The following DLG1 variants were observed in gnomAD, a reference collection of about 807,000 sequenced individuals.
DLG1 encodes discs large MAGUK scaffold protein 1.
A neutral mutation model predicts 123.4 loss-of-function variants in DLG1; 42 were observed. That is an observed-to-expected ratio of 0.34 (90% CI 0.27 to 0.44). The LOEUF is 0.44. Among genes scored for constraint, DLG1 ranks in the 20% least tolerant of loss-of-function variants. The probability of loss-of-function intolerance (pLI) is 1.00; values close to 1 mark genes in which losing one functional copy is unlikely to be tolerated. For synonymous variants in DLG1, 317 were observed against 356.2 expected, an observed-to-expected ratio of 0.89 and a Z score of 1.24; for missense variants, 942 against 1,082.6, an observed-to-expected ratio of 0.87 and a Z score of 1.82.
chr3:197,243,131 GT>G (rs1245445190), intron 4 of DLG1, among the ~76,000 whole-genome samples: 1 of 152,116 alleles, frequency 6.6e-6, no homozygotes, highest in Non-Finnish European at 1.5e-5. Flanking sequence ...TCCTGTTTCT[GT>G]GTCCTCCCCC....
At chr3:197,128,902 T>C (rs544964438) in intron 11 of DLG1, among the ~76,000 whole-genome samples, 1 of 152,256 alleles carries the variant, frequency 6.6e-6, no homozygotes, top group African/African-American at 2.4e-5. Context: ...CAGTAAACCA[T>C]GCTGTCAACA....
At chr3:197,171,593 A>G (rs184969092) in intron 5 of DLG1, among the ~76,000 whole-genome samples, 26 of 152,354 alleles carry the variant, frequency 1.7e-4, no homozygotes, top group African/African-American at 6.0e-4. Flanking sequence ...TAGTTCACAC[A>G]GACAGATCAT....
intron 14 of DLG1, among the ~76,000 whole-genome samples, chr3:197,100,291 G>A (rs771848732): frequency 2.6e-4 from 40 of 152,190 alleles, no homozygotes; most frequent in Non-Finnish European, 4.1e-4. Flanking sequence ...CTGGGTGTTA[G>A]AAATCTACCT....
chr3:197,152,448 A>C (rs1577143221), intron 5 of DLG1, among the ~76,000 whole-genome samples: 1 of 90,566 alleles, frequency 1.1e-5, no homozygotes, highest in African/African-American at 4.5e-5. Context: ...TTTGAGATGG[A>C]GTCTTGCTCT....
At chr3:197,075,317 CAA>C (rs58384491) in intron 18 of DLG1, among the ~76,000 whole-genome samples, 3,101 of 90,176 alleles carry the variant, frequency 0.034, 65 homozygotes, top group African/African-American at 0.1. Context: ...ATAACTTTCT[CAA>C]AAAAAAAAAA....
At chr3:197,252,919 T>C (rs1457851533) in intron 4 of DLG1, among the ~76,000 whole-genome samples, 2 of 152,142 alleles carry the variant, frequency 1.3e-5, no homozygotes, top group Non-Finnish European at 1.5e-5. Context: ...ATAAATTGTA[T>C]GTTATGTATA....
chr3:197,221,480 G>A (rs963422613), intron 4 of DLG1, among the ~76,000 whole-genome samples: 1 of 151,610 alleles, frequency 6.6e-6, no homozygotes, highest in Non-Finnish European at 1.5e-5. Flanking sequence ...AGCCGAGGCT[G>A]CACCACTGCA....
intron 5 of DLG1, among the ~76,000 whole-genome samples, chr3:197,173,538 C>G (rs1361287196): frequency 6.6e-6 from 1 of 152,160 alleles, no homozygotes; most frequent in Non-Finnish European, 1.5e-5. Flanking sequence ...ACCCAGTACT[C>G]TTTACTTATC....
At chr3:197,063,487 A>G (rs1218588214) in intron 22 of DLG1, among the ~76,000 whole-genome samples, 2 of 151,940 alleles carry the variant, frequency 1.3e-5, no homozygotes, top group East Asian at 3.9e-4. Context: ...CTGAGCAGAG[A>G]TTTGTATTTT....
At chr3:197,279,598 A>C (rs746208001) in intron 4 of DLG1, among the ~76,000 whole-genome samples, 1 of 152,172 alleles carries the variant, frequency 6.6e-6, no homozygotes, top group Non-Finnish European at 1.5e-5. Flanking sequence ...CACAATATGA[A>C]AGTTCTTTTT....
chr3:197,285,028 T>TAA (rs35378563), intron 3 of DLG1, among the ~76,000 whole-genome samples: 4 of 132,324 alleles, frequency 3.0e-5, no homozygotes, highest in Non-Finnish European at 3.3e-5. Context: ...TCTTATCTAT[T>TAA]AAAAAAAAAA....
At chr3:197,293,541 C>T (rs1028816649) in intron 3 of DLG1, among the ~76,000 whole-genome samples, 1 of 152,068 alleles carries the variant, frequency 6.6e-6, no homozygotes, top group African/African-American at 2.4e-5. Context: ...TAATACAGTA[C>T]GTACATGCTT....
chr3:197,097,357 T>C (rs1761136043), intron 14 of DLG1, among the ~76,000 whole-genome samples: 1 of 152,212 alleles, frequency 6.6e-6, no homozygotes, highest in Admixed American at 6.5e-5. Flanking sequence ...GGGCTTCTCC[T>C]GTTGCATCCC....
chr3:197,079,192 G>A (rs1749294410), intron 17 of DLG1, among the ~76,000 whole-genome samples: 1 of 152,056 alleles, frequency 6.6e-6, no homozygotes. Context: ...TATATCGCAA[G>A]AGAGACAGTG....
chr3:197,171,529 A>G (rs180940571), intron 5 of DLG1, among the ~76,000 whole-genome samples: 2 of 152,330 alleles, frequency 1.3e-5, no homozygotes, highest in African/African-American at 4.8e-5. Flanking sequence ...CAAGGTAAAT[A>G]GGAAAACAGA....
At chr3:197,189,490 C>T (rs967926114) in intron 5 of DLG1, among the ~76,000 whole-genome samples, 1 of 152,012 alleles carries the variant, frequency 6.6e-6, no homozygotes, top group Admixed American at 6.6e-5. Context: ...GATTGAAAAT[C>T]CTTATCTACT....
At chr3:197,128,493 A>C (rs1036701061) in intron 11 of DLG1, among the ~76,000 whole-genome samples, 3 of 152,232 alleles carry the variant, frequency 2.0e-5, no homozygotes, top group Non-Finnish European at 4.4e-5. Flanking sequence ...GAGGGCTGGA[A>C]TCAACATCTT....
chr3:197,103,453 C>A (rs543613207), intron 14 of DLG1, among the ~76,000 whole-genome samples: 1 of 151,966 alleles, frequency 6.6e-6, no homozygotes, highest in Non-Finnish European at 1.5e-5. Context: ...AGTGTACCTA[C>A]GGGGTGGAAT....
intron 3 of DLG1, among the ~76,000 whole-genome samples, chr3:197,294,670 A>G (rs1296518590): frequency 1.3e-5 from 2 of 151,422 alleles, no homozygotes; most frequent in African/African-American, 2.4e-5. Context: ...AAAAAAAAAA[A>G]AAAAAAAAGA....
Sources: allele counts gnomAD v4.1 joint callset (sites outside exome capture counted in the v4.1 genomes callset), GRCh38; gene constraint gnomAD v4.1.1; transcripts MANE v1.5; gene names NCBI Gene and HGNC (gene_info 2026-07-23, HGNC 2026-07-21).